Variants in EXO1 observed in about 807,000 individuals in gnomAD.
The protein encoded by EXO1 is exonuclease 1.
EXO1 carries 69 observed loss-of-function variants against 84.5 expected under a neutral mutation model. The ratio of observed to expected loss-of-function variants is 0.82; its 90% CI spans 0.67 to 1.00. The LOEUF is 1.00. EXO1 is among the 50% of genes least tolerant of loss of function. The pLI, the probability that EXO1 is intolerant of heterozygous loss-of-function variation, is 0.00. For missense variants in EXO1, 1,045 were observed against 1,000.7 expected, an observed-to-expected ratio of 1.04 and a Z score of -0.60; for synonymous variants, 373 against 366.1, an observed-to-expected ratio of 1.02 and a Z score of -0.21.
chr1:241,889,060 A>T (rs927589756), intron 15 of EXO1, among the ~76,000 whole-genome samples: 1 of 151,974 alleles, frequency 6.6e-6, no homozygotes, highest in Non-Finnish European at 1.5e-5. Context: ...TGACAGAGCG[A>T]GACCATCTCA....
intron 6 of EXO1, among the ~76,000 whole-genome samples, chr1:241,855,156 T>A (rs1415310145): frequency 1.3e-5 from 2 of 152,198 alleles, no homozygotes; most frequent in Non-Finnish European, 2.9e-5. Context: ...GGCAGCCAGC[T>A]TTTATTCTCT....
In EXO1 at chr1:241,878,837, A is replaced by C; in HGVS notation, c.1603A>C (p.Asn535His). ...LDETAVTDKENNLHESEYGDQ... is the reference protein window; with the variant it reads ...LDETAVTDKEHNLHESEYGDQ... ...TGAAACTGCTGTCACAGATAAAGAG[A>C]ACAATCTGCATGAATCAGAGTATGG... Residue 535 changes from asparagine (N) to histidine (H), a missense_variant, in exon 13 of 16, where the codon AAC becomes CAC. Transcript: ENST00000366548. 6.2e-7 allele frequency: 1 copy of C among 1,614,104 alleles called. No individual in the cohort carries two copies. The highest frequency in any genetic ancestry group is 8.5e-7 in the Non-Finnish European group (1 of 1,179,966).
chr1:241,850,859 T>TTTA (rs1314388979), intron 4 of EXO1, among the ~76,000 whole-genome samples: 3 of 144,160 alleles, frequency 2.1e-5, no homozygotes, highest in Admixed American at 7.4e-5. Flanking sequence ...TTTTTTTTTT[T>TTTA]AGATGGAATC....
In EXO1 at chr1:241,855,712, C is replaced by T. The variant is rs562527623; in HGVS notation, c.406-1633C>T. On this transcript the variant is annotated intron_variant, in intron 6 of 15. Transcript: ENST00000366548. ...GCTCAGGCATGGCGGGCTGCAGTCC[C>T]GAGTCCTGCCCCGCAGGAAGGCAGC... Among the ~76,000 whole-genome samples, 5 of 152,254 alleles carry T rather than the reference C, an allele frequency of 3.3e-5. No homozygotes were observed. In the South Asian group the frequency reaches 6.2e-4, roughly 19 times the overall value.
chr1:241,884,672 T>C (rs150501708), intron 14 of EXO1, among the ~76,000 whole-genome samples: 486 of 17,766 alleles, frequency 0.027, 8 homozygotes, highest in South Asian at 0.054. Context: ...TGTGTGTGTG[T>C]GTGTGCACGT....
chr1:241,864,057 A>G (rs1661560842), intron 10 of EXO1, among the ~76,000 whole-genome samples: 1 of 152,098 alleles, frequency 6.6e-6, no homozygotes, highest in Non-Finnish European at 1.5e-5. Flanking sequence ...ACTGCTGTGT[A>G]CCTTTTTCCT....
At position 241,852,413 on chromosome 1, in the gene EXO1, T is replaced by C; in HGVS notation, c.281+2T>C. ...GGAAGTAGAGAGATCTAGAAGAGAG[T>C]AAGTTAATTCTCTACTTAATCTCTA... On this transcript the variant is annotated splice_donor_variant, in intron 5 of 15. Transcript: ENST00000366548. LOFTEE classifies it high-confidence loss of function. 6.3e-7 allele frequency: 1 copy of C among 1,596,552 alleles called. No homozygotes were observed. Among genetic ancestry groups the C allele is most frequent in the African/African-American group, 1.3e-5 (1 of 74,642 alleles).
chr1:241,868,374 CAAAAAAAAAAAAA>C (rs10591886), intron 11 of EXO1, among the ~76,000 whole-genome samples: 1 of 115,878 alleles, frequency 8.6e-6, no homozygotes, highest in African/African-American at 3.2e-5. Flanking sequence ...GAATCCATCT[CAAAAAAAAAAAAA>C]AAAAAAAAAA....
chr1:241,858,390 C>T (rs1024511170), intron 7 of EXO1, 116 bp from the exon 8 acceptor site: 6 of 695,234 alleles, frequency 8.6e-6, no homozygotes, highest in African/African-American at 7.2e-5. Flanking sequence ...ATCTATGTCT[C>T]CTGTCTTTCA....
At position 241,881,906 on chromosome 1, in the gene EXO1, GGGACTCTA is replaced by G; in HGVS notation, c.2110-6_2111del. 1 of 1,353,936 alleles carries G rather than the reference GGGACTCTA, an allele frequency of 7.4e-7. No homozygotes were observed. The highest frequency in any genetic ancestry group is 2.3e-5 in the East Asian group (1 of 43,280). The allele number at this position is 1,353,936 out of a possible 1,614,324, so 83.9% of individuals were successfully genotyped here. ...TAATTTTATTTTATTTTTTGATCTG[GGGACTCTA>G]GGAATCTGATTGCAATATTAAGTTA... On this transcript the variant is annotated splice_acceptor_variant and splice_polypyrimidine_tract_variant and intron_variant, in intron 13 of 15. Coordinates refer to ENST00000366548, the MANE Select transcript of EXO1 (RefSeq NM_130398.4). LOFTEE classifies it high-confidence loss of function.
At chr1:241,855,614 G>A (rs1660956271) in intron 6 of EXO1, among the ~76,000 whole-genome samples, 1 of 152,220 alleles carries the variant, frequency 6.6e-6, no homozygotes, top group African/African-American at 2.4e-5. Context: ...GATGAGACTG[G>A]GCGCCGTGGA....
chr1:241,859,508 A>G (rs2148423299), intron 8 of EXO1, among the ~76,000 whole-genome samples: 1 of 152,320 alleles, frequency 6.6e-6, no homozygotes, highest in African/African-American at 2.4e-5. Flanking sequence ...TGAAACATAA[A>G]TTGAGTTTTT....
chr1:241,849,743 A>G (rs950871310), intron 3 of EXO1, among the ~76,000 whole-genome samples: 2 of 152,216 alleles, frequency 1.3e-5, no homozygotes, highest in Middle Eastern at 3.2e-3. Flanking sequence ...GACCCTTATG[A>G]TTAATGCCCT....
intron 6 of EXO1, 39 bp downstream of exon 6, chr1:241,853,520 A>G (rs759879002): frequency 6.2e-7 from 1 of 1,611,956 alleles, no homozygotes; most frequent in Admixed American, 1.7e-5. Flanking sequence ...CACCAAAGCT[A>G]GTTACAACTT....
chr1:241,884,905 C>T (rs1434143176), intron 14 of EXO1, among the ~76,000 whole-genome samples: 3 of 152,048 alleles, frequency 2.0e-5, no homozygotes, highest in African/African-American at 7.2e-5. Context: ...TTATTTTGTT[C>T]TTATGTATAA....
intron 12 of EXO1, among the ~76,000 whole-genome samples, chr1:241,878,470 C>T (rs1314682843): frequency 7.0e-6 from 1 of 142,742 alleles, no homozygotes; most frequent in African/African-American, 2.6e-5. Context: ...GCACTCCAGC[C>T]TGGTGACAGA....
At chr1:241,883,441 C>T (rs1383214291) in intron 14 of EXO1, among the ~76,000 whole-genome samples, 4 of 152,108 alleles carry the variant, frequency 2.6e-5, no homozygotes, top group Non-Finnish European at 5.9e-5. Context: ...CTCTTTTGTA[C>T]CTCTTCTTAA....
intron 6 of EXO1, among the ~76,000 whole-genome samples, chr1:241,855,737 C>G (rs1027411381): frequency 4.6e-5 from 7 of 152,220 alleles, no homozygotes; most frequent in African/African-American, 1.4e-4. Flanking sequence ...AGGAAGGCAG[C>G]TAAGGCCCCG....
At position 241,861,328 on chromosome 1, in the gene EXO1, A is replaced by C; in HGVS notation, c.945-78A>C. ...ACCTATGGATTTTCGTGACAATAGAAAACATTTTTCCATCTTAGTATAATA... is the reference window on the plus strand; with the variant it reads ...ACCTATGGATTTTCGTGACAATAGACAACATTTTTCCATCTTAGTATAATA... On this transcript the variant is annotated intron_variant, in intron 9 of 15. Transcript: ENST00000366548. 7 of 801,716 alleles carry C rather than the reference A, an allele frequency of 8.7e-6. No homozygotes were observed. In the South Asian group the frequency reaches 9.6e-5, roughly 11 times the overall value. 49.7% of individuals were successfully genotyped at this position (801,716 alleles called of 1,614,324 possible).
Sources: allele counts gnomAD v4.1 joint callset (sites outside exome capture counted in the v4.1 genomes callset), GRCh38; gene constraint gnomAD v4.1.1; transcripts MANE v1.5; gene names NCBI Gene and HGNC (gene_info 2026-07-23, HGNC 2026-07-21).